ROPN1: variants seen among roughly 807,000 people sequenced by gnomAD.
ROPN1 encodes the protein rhophilin associated tail protein 1.
In ROPN1, 14 loss-of-function variants were observed where a neutral mutation model predicts 20.5. The ratio of observed to expected loss-of-function variants is 0.68; its 90% CI spans 0.45 to 1.07. ROPN1 has a LOEUF of 1.07. ROPN1 is among the 50% of genes least tolerant of loss of function. The probability of loss-of-function intolerance (pLI) is 0.00; values close to 1 mark genes in which losing one functional copy is unlikely to be tolerated. For synonymous variants in ROPN1, 76 were observed against 95.7 expected (o/e 0.79, Z 1.20); for missense variants, 169 against 242.8 (o/e 0.70, Z 2.02).
chr3:123,976,351 T>G (rs6774735), intron 3 of ROPN1, among the ~76,000 whole-genome samples: 136,841 of 152,106 alleles, frequency 0.9, 61,781 homozygotes, highest in East Asian at 1. Flanking sequence ...CCTGGGAATT[T>G]GCCAAACCAC....
chr3:123,972,671 C>G (rs1048566552), intron 4 of ROPN1, among the ~76,000 whole-genome samples: 24 of 152,170 alleles, frequency 1.6e-4, no homozygotes, highest in African/African-American at 5.1e-4. Context: ...TACCTATTAC[C>G]TACCAGAGTA....
chr3:123,977,526 TGA>T (rs1038220407), intron 2 of ROPN1, among the ~76,000 whole-genome samples: 2 of 151,800 alleles, frequency 1.3e-5, no homozygotes, highest in African/African-American at 4.8e-5. Flanking sequence ...GGTGACAGAG[TGA>T]GACCCCCATC....
intron 5 of ROPN1, among the ~76,000 whole-genome samples, 163 bp from the exon 6 acceptor site, chr3:123,969,384 G>T (rs1355300683): frequency 1.3e-5 from 2 of 152,086 alleles, no homozygotes; most frequent in Non-Finnish European, 2.9e-5. Context: ...TGTCATCCAG[G>T]CTGGAGTAAC....
At chr3:123,986,013 A>AG in intron 1 of ROPN1, among the ~76,000 whole-genome samples, 1 of 148,184 alleles carries the variant, frequency 6.7e-6, no homozygotes, top group Non-Finnish European at 1.5e-5. Context: ...AAAAAAAAAA[A>AG]AAAAATCAAA....
chr3:123,987,691 C>T (rs2038296052), intron 1 of ROPN1, among the ~76,000 whole-genome samples: 1 of 152,228 alleles, frequency 6.6e-6, no homozygotes, highest in Non-Finnish European at 1.5e-5. Flanking sequence ...ATGGCCAAGT[C>T]AACACAGCAT....
chr3:123,980,227 A>C, intron 2 of ROPN1, 139 bp downstream of exon 2: 1 of 746,552 alleles, frequency 1.3e-6, no homozygotes. Flanking sequence ...AAAGCATCAA[A>C]GCAATGCAAG....
intron 2 of ROPN1, 73 bp downstream of exon 2, chr3:123,980,293 A>G (rs978011018): frequency 1.4e-6 from 2 of 1,421,570 alleles, no homozygotes; most frequent in Non-Finnish European, 2.0e-6. Context: ...AGCCATGACA[A>G]CCTCCGCGGT....
At chr3:123,980,341 G>T in intron 2 of ROPN1, 25 bp downstream of exon 2, 2 of 1,611,008 alleles carry the variant, frequency 1.2e-6, no homozygotes, top group Middle Eastern at 1.7e-4. Flanking sequence ...CCTCCAAGGG[G>T]TGAAGGCGAG....
At chr3:123,985,930 T>A (rs1324937712) in intron 1 of ROPN1, among the ~76,000 whole-genome samples, 2 of 130,930 alleles carry the variant, frequency 1.5e-5, no homozygotes, top group Non-Finnish European at 3.1e-5. Flanking sequence ...GAGGATGAGG[T>A]TGCAATGAGC....
In ROPN1 at chr3:123,980,396, T is replaced by G; in HGVS notation, c.86A>C (p.Gln29Pro). 1.2e-6 allele frequency: 2 copies of G among 1,614,206 alleles called. No homozygotes were observed. Among genetic ancestry groups the G allele is most frequent in the Non-Finnish European group, 1.7e-6 (2 of 1,180,030 alleles). The part of the protein sequence containing the change: ...KEFAKAAIRV[Q>P]PQDLIQWAAD... The stretch of plus-strand genomic sequence containing the variant: ...TGCCCACTGGATGAGGTCCTGCGGC[T>G]GCACCCTAATGGCGGCTTTGGCAAA... The change falls in exon 2 of 6, where the codon CAG (glutamine) becomes CCG (proline). Residue 29 changes from glutamine to proline, a missense_variant. Physicochemically the swap from Gln to Pro is moderately conservative, Grantham distance 76. Around this residue, in one of 3 missense-constraint regions of ROPN1, gnomAD observed 84 missense variants for 99.3 expected, o/e 0.85. Transcript: ENST00000405845.
At chr3:123,990,285 G>A (rs1416732632) in intron 1 of ROPN1, among the ~76,000 whole-genome samples, 3 of 152,084 alleles carry the variant, frequency 2.0e-5, no homozygotes, top group Admixed American at 2.0e-4. Flanking sequence ...AGGAGGAGGA[G>A]GAAGAAAAGA....
intron 1 of ROPN1, among the ~76,000 whole-genome samples, chr3:123,987,024 C>T (rs565829235): frequency 6.6e-6 from 1 of 152,372 alleles, no homozygotes; most frequent in South Asian, 2.1e-4. Context: ...CAACAGTTCC[C>T]CTACAGCTAA....
intron 2 of ROPN1, among the ~76,000 whole-genome samples, chr3:123,978,083 A>G (rs2280422): frequency 0.44 from 66,306 of 152,128 alleles, 18,118 homozygotes; most frequent in Non-Finnish European, 0.63. Context: ...GTAAAAGTCC[A>G]TTTCAGGGTC....
At chr3:123,978,774 A>G (rs971866613) in intron 2 of ROPN1, 1 of 152,606 alleles carries the variant, frequency 6.6e-6, no homozygotes, top group African/African-American at 2.4e-5. Context: ...TCATGTCTGG[A>G]TAGAATGGAG....
intron 1 of ROPN1, among the ~76,000 whole-genome samples, chr3:123,982,154 A>T (rs1383928038): frequency 6.6e-6 from 1 of 152,234 alleles, no homozygotes; most frequent in East Asian, 1.9e-4. Context: ...TAAGGTAGAC[A>T]TACTCATGCC....
At chr3:123,983,958 G>A (rs988771053) in intron 1 of ROPN1, among the ~76,000 whole-genome samples, 3 of 152,164 alleles carry the variant, frequency 2.0e-5, no homozygotes, top group Non-Finnish European at 4.4e-5. Context: ...TGACATGGGA[G>A]GTGGCCTGCT....
At chr3:123,971,113 G>C (rs753141270) in intron 4 of ROPN1, among the ~76,000 whole-genome samples, 12 of 152,160 alleles carry the variant, frequency 7.9e-5, no homozygotes, top group Non-Finnish European at 1.6e-4. Flanking sequence ...CTTAGGGTGA[G>C]TGAAAAAGCA....
chr3:123,976,211 C>A (rs2038019137), intron 3 of ROPN1, among the ~76,000 whole-genome samples: 1 of 152,212 alleles, frequency 6.6e-6, no homozygotes, highest in Admixed American at 6.5e-5. Flanking sequence ...CAACACCTTT[C>A]CTGACTGTCT....
chr3:123,974,841 G>A lies in ROPN1; in HGVS notation c.396+538C>T, dbSNP rs1245890661. Reference sequence around the variant, plus strand: ...TTCCAATATCAAACAAGTCAAATTTGGAAAAGGCATAAATCTGTATGAACA... The same window carrying A: ...TTCCAATATCAAACAAGTCAAATTTAGAAAAGGCATAAATCTGTATGAACA... On this transcript the variant is annotated intron_variant, in intron 4 of 5. Coordinates refer to ENST00000405845, the MANE Select transcript of ROPN1 (RefSeq NM_001317774.2). 1.8e-5 allele frequency: 3 copies of A among 164,824 alleles called. No individual in the cohort carries two copies. The East Asian group carries it at 5.1e-4, about 28-fold the overall frequency. 10.2% of individuals were successfully genotyped at this position (164,824 alleles called of 1,614,324 possible). A position where few individuals can be genotyped will look rare whatever the true frequency, so the allele number is the denominator to read the frequency against.
Sources: gnomAD v4.1 joint callset for allele counts (sites outside exome capture counted in the v4.1 genomes callset) on GRCh38, gnomAD v4.1.1 for gene constraint, gnomAD v4.1.1 regional missense constraint, MANE v1.5 for transcripts, NCBI Gene and HGNC (gene_info 2026-07-23, HGNC 2026-07-21) for gene names.